VDAC2: variants seen among roughly 807,000 people sequenced by gnomAD.
The protein encoded by VDAC2 is voltage dependent anion channel 2.
VDAC2 carries 6 observed loss-of-function variants against 36.6 expected under a neutral mutation model. The observed-to-expected ratio is 0.16, with a 90% CI of 0.09 to 0.32. The LOEUF is 0.32. VDAC2 is among the 10% of genes least tolerant of loss of function. VDAC2 has a pLI of 1.00. For synonymous variants in VDAC2, 109 were observed against 123.8 expected (o/e 0.88, Z 0.79); for missense variants, 247 against 346.0 (o/e 0.71, Z 2.27).
intron 2 of VDAC2, chr10:75,211,591 G>T: frequency 6.4e-7 from 1 of 1,550,580 alleles, no homozygotes; most frequent in Non-Finnish European, 8.7e-7. Flanking sequence ...TGAATGAGCT[G>T]GTGTAATGAG....
intron 3 of VDAC2, among the ~76,000 whole-genome samples, 185 bp downstream of exon 3, chr10:75,212,483 C>T (rs940191694): frequency 5.3e-5 from 8 of 152,050 alleles, no homozygotes; most frequent in African/African-American, 1.9e-4. Flanking sequence ...ATGATTATAC[C>T]TCACTGCAGC....
intron 8 of VDAC2, among the ~76,000 whole-genome samples, chr10:75,223,020 G>C (rs141632487): frequency 4.7e-4 from 68 of 145,494 alleles, no homozygotes; most frequent in African/African-American, 1.6e-3. Flanking sequence ...AGTCTCTGTC[G>C]CCCGGGCTGG....
chr10:75,215,579 C>T (rs1841576527), intron 4 of VDAC2, among the ~76,000 whole-genome samples: 1 of 151,506 alleles, frequency 6.6e-6, no homozygotes, highest in South Asian at 2.1e-4. Context: ...GTCTCAATCT[C>T]CTGACCTCAT....
At chr10:75,212,960 C>G (rs1233243640) in intron 3 of VDAC2, among the ~76,000 whole-genome samples, 1 of 152,060 alleles carries the variant, frequency 6.6e-6, no homozygotes, top group African/African-American at 2.4e-5. Flanking sequence ...TGAGCTTTTT[C>G]AGGTGAATTT....
At chr10:75,213,699 G>A (rs567498016) in intron 3 of VDAC2, among the ~76,000 whole-genome samples, 2 of 152,190 alleles carry the variant, frequency 1.3e-5, no homozygotes, top group South Asian at 2.1e-4. Flanking sequence ...AGCTGAGATC[G>A]TGCCACTGCA....
intron 8 of VDAC2, 105 bp downstream of exon 8, chr10:75,222,507 G>A (rs142315471): frequency 1.4e-6 from 2 of 1,420,720 alleles, no homozygotes; most frequent in Non-Finnish European, 1.9e-6. Flanking sequence ...ACAGTCCCCA[G>A]TTTACAGATA....
chr10:75,215,898 T>G (rs1841588861), intron 4 of VDAC2, among the ~76,000 whole-genome samples: 1 of 151,428 alleles, frequency 6.6e-6, no homozygotes, highest in African/African-American at 2.4e-5. Flanking sequence ...ATTTTTGTAT[T>G]TTTAGTAGAA....
At chr10:75,221,084 CAA>C (rs1841799951) in intron 7 of VDAC2, 114 bp downstream of exon 7, 1 of 1,120,632 alleles carries the variant, frequency 8.9e-7, no homozygotes, top group Non-Finnish European at 1.3e-6. Context: ...CATTTAAAAA[CAA>C]AATCATTCTT....
In VDAC2 at chr10:75,210,867, G is replaced by C. The variant is rs1043421988; in HGVS notation, c.-97G>C. 2 of 349,024 alleles carry C rather than the reference G, an allele frequency of 5.7e-6. No individual in the cohort carries two copies. Among genetic ancestry groups the C allele is most frequent in the Admixed American group, 4.8e-5 (1 of 20,678 alleles). The allele number at this position is 349,024 out of a possible 1,614,324, so 21.6% of individuals were successfully genotyped here. On this transcript the variant is annotated 5_prime_UTR_variant, in exon 1 of 10. Transcript: ENST00000332211. ...CCTCCAGCTGCTGGAGCTGCAGCCC[G>C]ACCGCGAGCGTGCCAAGCGGCTTCA...
intron 6 of VDAC2, 101 bp from the exon 7 acceptor site, chr10:75,220,642 C>T (rs1841784147): frequency 2.1e-6 from 2 of 974,052 alleles, no homozygotes; most frequent in South Asian, 1.6e-5. Flanking sequence ...CTGATTTTTA[C>T]TCCCTGGTCA....
At chr10:75,218,898 TAGAG>T (rs1841701335) in intron 4 of VDAC2, among the ~76,000 whole-genome samples, 161 bp from the exon 5 acceptor site, 1 of 152,084 alleles carries the variant, frequency 6.6e-6, no homozygotes, top group Non-Finnish European at 1.5e-5. Context: ...TATATATGCT[TAGAG>T]AGTAGCACAG....
intron 6 of VDAC2, among the ~76,000 whole-genome samples, chr10:75,220,505 C>G (rs1841780117): frequency 6.6e-6 from 1 of 152,110 alleles, no homozygotes; most frequent in South Asian, 2.1e-4. Flanking sequence ...TAATGTGTTT[C>G]TAACAGGCTT....
chr10:75,212,357 C>T, intron 3 of VDAC2, 59 bp downstream of exon 3: 1 of 1,452,300 alleles, frequency 6.9e-7, no homozygotes, highest in Non-Finnish European at 9.5e-7. Flanking sequence ...GTTTGGGTTG[C>T]TTAGCGAAAT....
rs751212966 is a variant in VDAC2, at chr10:75,222,410, CT to C, written c.735+12del. The C allele has an allele frequency of 1.3e-5, 21 of 1,613,544 alleles. No homozygotes were observed. Among genetic ancestry groups the C allele is most frequent in the Admixed American group, 1.0e-4 (6 of 59,926 alleles). Reference sequence around the variant, plus strand: ...CCCACTGCTTCCATTTCTGTGAGTACTTTTGTGGACTTAGAATGGGGGTTTT... The same window carrying C: ...CCCACTGCTTCCATTTCTGTGAGTACTTTGTGGACTTAGAATGGGGGTTTT... On this transcript the variant is annotated intron_variant, in intron 8 of 9. Transcript: ENST00000332211.
chr10:75,219,817 A>G (rs1232232512), intron 6 of VDAC2, among the ~76,000 whole-genome samples: 1 of 137,130 alleles, frequency 7.3e-6, no homozygotes, highest in Admixed American at 7.6e-5. Context: ...ATTTTATTGT[A>G]TTTATTTTAT....
At position 75,220,382 on chromosome 10, in the gene VDAC2, T is replaced by G. The variant is rs569078236; in HGVS notation, c.357-361T>G. On this transcript the variant is annotated intron_variant, in intron 6 of 9. Transcript: ENST00000332211. ...CCTCAGCCTCCCAAAGTGCTGAGAT[T>G]ACAGGCGGGAGCCACCATGCCTGGC... 2.0e-5 allele frequency among the ~76,000 whole-genome samples: 3 copies of G among 152,368 alleles called. No homozygotes were observed. In the South Asian group the frequency reaches 6.2e-4, roughly 32 times the overall value.
intron 4 of VDAC2, chr10:75,218,088 CAA>C (rs879352648): frequency 9.5e-3 from 2,446 of 257,084 alleles, no homozygotes; most frequent in South Asian, 0.018. Context: ...GATGCTGTCT[CAA>C]AAAAAAAAAA....
intron 2 of VDAC2, chr10:75,211,687 A>G: frequency 1.3e-6 from 2 of 1,550,126 alleles, no homozygotes; most frequent in South Asian, 1.2e-5. Context: ...TTTGATATTT[A>G]GTTGATGTAG....
At chr10:75,218,965 C>CA in intron 4 of VDAC2, 98 bp from the exon 5 acceptor site, 1 of 1,285,436 alleles carries the variant, frequency 7.8e-7, no homozygotes, top group Admixed American at 2.4e-5. Flanking sequence ...ATGAATTTAC[C>CA]AAATGTTTCA....
Sources: allele counts gnomAD v4.1 joint callset (sites outside exome capture counted in the v4.1 genomes callset), GRCh38; gene constraint gnomAD v4.1.1; transcripts MANE v1.5; gene names NCBI Gene and HGNC (gene_info 2026-07-23, HGNC 2026-07-21).